The following SUMF1 variants were observed in gnomAD, a reference collection of about 807,000 sequenced individuals.
SUMF1 encodes sulfatase modifying factor 1.
Under a neutral mutation model 47.6 loss-of-function variants are expected in SUMF1, and 48 were observed. The observed-to-expected ratio is 1.01, with a 90% CI of 0.80 to 1.28. The LOEUF (loss-of-function observed/expected upper bound fraction) is 1.28. Among genes scored for constraint, SUMF1 ranks in the 50% most tolerant of loss-of-function variants. The pLI is 0.00. For synonymous variants in SUMF1, 230 were observed against 192.1 expected (o/e 1.20, Z -1.63); for missense variants, 571 against 485.4 (o/e 1.18, Z -1.66).
intron 1 of SUMF1, among the ~76,000 whole-genome samples, chr3:4,461,407 A>C (rs2125168255): frequency 6.6e-6 from 1 of 152,370 alleles, no homozygotes; most frequent in Admixed American, 6.5e-5. Context: ...GGCTCTAATA[A>C]GAGATTTCAT....
At chr3:4,127,737 A>G (rs1369324606) in intron 8 of SUMF1, among the ~76,000 whole-genome samples, 1 of 152,124 alleles carries the variant, frequency 6.6e-6, no homozygotes, top group Non-Finnish European at 1.5e-5. Context: ...CCTGACTAAC[A>G]CAGACTTTGG....
At chr3:4,345,226 T>G (rs1213278789) in intron 8 of SUMF1, among the ~76,000 whole-genome samples, 1 of 152,012 alleles carries the variant, frequency 6.6e-6, no homozygotes, top group Non-Finnish European at 1.5e-5. Flanking sequence ...CCAAGACACA[T>G]AATCGTCAGA....
intron 8 of SUMF1, among the ~76,000 whole-genome samples, chr3:4,337,056 G>A (rs898460910): frequency 9.2e-5 from 14 of 152,222 alleles, no homozygotes; most frequent in Admixed American, 2.6e-4. Context: ...TCTTTGTCCT[G>A]GTTTCTCTTT....
At chr3:4,270,648 C>T (rs139201916) in intron 8 of SUMF1, among the ~76,000 whole-genome samples, 3 of 152,296 alleles carry the variant, frequency 2.0e-5, no homozygotes, top group African/African-American at 4.8e-5. Flanking sequence ...TAGCATTAAA[C>T]TTTGCCTCAG....
chr3:4,151,835 A>T (rs751826209), intron 8 of SUMF1, among the ~76,000 whole-genome samples: 42 of 151,646 alleles, frequency 2.8e-4, no homozygotes, highest in Non-Finnish European at 5.3e-4. Context: ...TGATATAGAG[A>T]AAAGATGCAC....
chr3:4,377,983 T>G (rs552802890), intron 7 of SUMF1, among the ~76,000 whole-genome samples: 1 of 152,362 alleles, frequency 6.6e-6, no homozygotes, highest in Non-Finnish European at 1.5e-5. Context: ...CAAGCATGGC[T>G]AATGTACTTT....
intron 8 of SUMF1, among the ~76,000 whole-genome samples, chr3:4,214,166 A>G (rs755093411): frequency 6.6e-6 from 1 of 152,050 alleles, no homozygotes; most frequent in African/African-American, 2.4e-5. Context: ...GAAGGAAAAC[A>G]CTCCTCAGCA....
At chr3:4,299,392 G>T (rs573560705) in intron 8 of SUMF1, among the ~76,000 whole-genome samples, 4 of 152,324 alleles carry the variant, frequency 2.6e-5, no homozygotes, top group Admixed American at 6.5e-5. Flanking sequence ...TGAAGCTAAT[G>T]CCAAGTGTGG....
At chr3:4,138,833 C>G (rs976825740) in intron 8 of SUMF1, among the ~76,000 whole-genome samples, 2 of 152,060 alleles carry the variant, frequency 1.3e-5, no homozygotes, top group Non-Finnish European at 2.9e-5. Context: ...TAGTGAATTA[C>G]TAAATCTGAG....
intron 8 of SUMF1, among the ~76,000 whole-genome samples, chr3:4,279,144 A>G (rs1013802184): frequency 7.2e-5 from 11 of 152,194 alleles, no homozygotes; most frequent in Admixed American, 5.2e-4. Context: ...CTGCATGACT[A>G]AGTTAGACAT....
At chr3:4,044,636 G>A (rs1331132710) in intron 9 of SUMF1, among the ~76,000 whole-genome samples, 1 of 152,178 alleles carries the variant, frequency 6.6e-6, no homozygotes, top group Non-Finnish European at 1.5e-5. Flanking sequence ...AAATGTTAAG[G>A]ATTCGTGTCT....
rs773571530 is a variant in SUMF1, at chr3:4,417,986, G to A, written c.725+24C>T. 4 of 1,613,512 alleles carry A rather than the reference G, an allele frequency of 2.5e-6. No individual in the cohort carries two copies. The African/African-American group carries it at 5.3e-5, about 22-fold the overall frequency. On this transcript the variant is annotated intron_variant, in intron 5 of 8. Transcript: ENST00000272902. The stretch of plus-strand genomic sequence containing the variant: ...TGTTCAAATGACCAACATATTGTCA[G>A]GCAAAATGAGATCCTCTAAATACCT...
intron 8 of SUMF1, among the ~76,000 whole-genome samples, chr3:4,298,886 A>G (rs148474554): frequency 3.9e-5 from 6 of 152,302 alleles, no homozygotes; most frequent in Non-Finnish European, 8.8e-5. Flanking sequence ...CCAATCTGAA[A>G]TTACTCTTTC....
intron 8 of SUMF1, among the ~76,000 whole-genome samples, chr3:4,236,422 C>T (rs1442312471): frequency 6.6e-6 from 1 of 152,126 alleles, no homozygotes. Flanking sequence ...TTTCTAATGA[C>T]TGGGCCATTA....
At chr3:4,316,083 A>G (rs1430391681) in intron 8 of SUMF1, 1 of 507,970 alleles carries the variant, frequency 2.0e-6, no homozygotes, top group African/African-American at 2.0e-5. Flanking sequence ...CAGTTTTTGC[A>G]TTGTTGGAAT....
At chr3:4,217,665 C>T (rs914986836) in intron 8 of SUMF1, among the ~76,000 whole-genome samples, 1 of 143,530 alleles carries the variant, frequency 7.0e-6, no homozygotes, top group Non-Finnish European at 1.5e-5. Flanking sequence ...CCTTATTAGC[C>T]TTTTGGGTTT....
intron 8 of SUMF1, among the ~76,000 whole-genome samples, chr3:4,247,605 G>T (rs547668855): frequency 6.6e-6 from 1 of 152,258 alleles, no homozygotes; most frequent in South Asian, 2.1e-4. Flanking sequence ...AAGAAGACTG[G>T]CTTAGATTTA....
In SUMF1 at chr3:4,452,878, C is replaced by G. The variant is rs1559309443; in HGVS notation, c.442G>C (p.Glu148Gln). 1.2e-6 allele frequency: 2 copies of G among 1,614,196 alleles called. No individual in the cohort carries two copies. The highest frequency in any genetic ancestry group is 1.3e-5 in the African/African-American group (1 of 75,068). ...KFVNSTGYLTEAEKFGDSFVF... is the reference protein window; with the variant it reads ...KFVNSTGYLTQAEKFGDSFVF... ...CCTCCTTTCCCCAATCCCATTACCT[C>G]TGTCAAATAGCCAGTTGAGTTCACA... Residue 148 changes from glutamate to glutamine, a missense_variant and splice_region_variant, in exon 2 of 9, where the codon GAG (glutamate) becomes CAG (glutamine). By Grantham distance (29) the Glu-to-Gln change is conservative (BLOSUM62 2). Coordinates refer to ENST00000272902, the MANE Select transcript of SUMF1 (RefSeq NM_182760.4).
intron 8 of SUMF1, among the ~76,000 whole-genome samples, chr3:4,262,347 C>T (rs2125024915): frequency 6.6e-6 from 1 of 152,306 alleles, no homozygotes; most frequent in African/African-American, 2.4e-5. Context: ...TCCCAATTCA[C>T]TTCTGCTCCC....
Sources: gnomAD v4.1 joint callset for allele counts (sites outside exome capture counted in the v4.1 genomes callset) on GRCh38, gnomAD v4.1.1 for gene constraint, MANE v1.5 for transcripts, NCBI Gene and HGNC (gene_info 2026-07-23, HGNC 2026-07-21) for gene names.